IFRD2: variants seen among roughly 807,000 people sequenced by gnomAD.
IFRD2 encodes interferon-related developmental regulator 2.
Under a neutral mutation model 49.2 loss-of-function variants are expected in IFRD2, and 35 were observed. The observed-to-expected ratio is 0.71, with a 90% CI of 0.54 to 0.94. The LOEUF is 0.94. Among genes scored for constraint, IFRD2 ranks in the 40% least tolerant of loss-of-function variants. The pLI is 0.00. For missense variants in IFRD2, 561 were observed against 591.6 expected (o/e 0.95, Z 0.54); for synonymous variants, 275 against 239.7 (o/e 1.15, Z -1.36).
rs6777712 is a variant in IFRD2, at chr3:50,289,109, C to G, written c.885+146G>C. 7.0e-4 allele frequency: 803 copies of G among 1,154,162 alleles called. 4 individuals carry two copies. In the African/African-American group the frequency reaches 0.011, roughly 15 times the overall value. The allele number at this position is 1,154,162 out of a possible 1,614,324, so 71.5% of individuals were successfully genotyped here. ...GGACACCACTGCTGAGGGCACCCAT[C>G]ATGACATCTAGGAGATAAATCTGTT... On this transcript the variant is annotated intron_variant, in intron 8 of 11. Coordinates refer to ENST00000417626, the MANE Select transcript of IFRD2 (RefSeq NM_006764.5).
At chr3:50,288,382 A>G in intron 11 of IFRD2, 27 bp downstream of exon 11, 2 of 1,607,770 alleles carry the variant, frequency 1.2e-6, no homozygotes, top group Non-Finnish European at 1.7e-6. Flanking sequence ...GAATAGGGGG[A>G]AGAGAAAGGT....
At chr3:50,291,976 G>A (rs1039027677) in intron 1 of IFRD2, 46 of 513,190 alleles carry the variant, frequency 9.0e-5, no homozygotes, top group Non-Finnish European at 1.5e-4. Flanking sequence ...GCCCGGAGGG[G>A]CTGGCCGGGT....
In IFRD2 at chr3:50,290,410, C is replaced by G; in HGVS notation, c.241G>C (p.Val81Leu). 1 of 1,579,620 alleles carries G rather than the reference C, an allele frequency of 6.3e-7. No homozygotes were observed. Among genetic ancestry groups the G allele is most frequent in the Non-Finnish European group, 8.6e-7 (1 of 1,161,980 alleles). ...TACCTCTTGTCTGTGAGACAGTCCA[C>G]ATACTCCTTCAGCTTTTCCTCAAGG... The part of the protein sequence containing the change: ...EDLEEKLKEY[V>L]DCLTDKSAKT... The change falls in exon 3 of 12, where the codon GTG becomes CTG. Residue 81 changes from valine to leucine, a missense_variant. Val to Leu is a conservative substitution (Grantham distance 32). Coordinates refer to ENST00000417626, the MANE Select transcript of IFRD2 (RefSeq NM_006764.5).
At chr3:50,290,982 C>T (rs1416279449) in intron 1 of IFRD2, among the ~76,000 whole-genome samples, 2 of 149,524 alleles carry the variant, frequency 1.3e-5, no homozygotes, top group East Asian at 2.0e-4. Flanking sequence ...GTCCAGCCTG[C>T]GCACTGGCCT....
Position 50,288,688 on chromosome 3 carries a change from T to C in IFRD2, c.1047A>G (p.Ile349Met). 1 of 1,613,640 alleles carries C rather than the reference T, an allele frequency of 6.2e-7. No homozygotes were observed. The highest frequency in any genetic ancestry group is 8.5e-7 in the Non-Finnish European group (1 of 1,179,794). ...AGAGCACCTCAAAGCCGAAGCGCAC[T>C]ATCTCTTCTTCGCATTCACCGCCCT... Reference protein sequence around the residue: ...SVEGGECEEEIVRFGFEVLYM... With the variant: ...SVEGGECEEEMVRFGFEVLYM... Residue 349 changes from isoleucine to methionine, a missense_variant, in exon 10 of 12, where the codon ATA (isoleucine) becomes ATG (methionine). Physicochemically the swap from Ile to Met is conservative, Grantham distance 10 (BLOSUM62 1). Transcript: ENST00000417626.
Position 50,290,490 on chromosome 3 carries a change from C to A in IFRD2, c.179-18G>T. On this transcript the variant is annotated intron_variant, in intron 2 of 11. Coordinates refer to ENST00000417626, the MANE Select transcript of IFRD2 (RefSeq NM_006764.5). ...ATCCCCCCCTGCAAGGCCACCTGGT[C>A]AGCACCGCTTCTTGTCCTCAGCCCA... 6.3e-7 allele frequency: 1 copy of A among 1,585,962 alleles called. No homozygotes were observed.
intron 1 of IFRD2, among the ~76,000 whole-genome samples, chr3:50,291,301 C>T (rs1399551269): frequency 1.3e-5 from 2 of 152,074 alleles, no homozygotes; most frequent in African/African-American, 2.4e-5. Context: ...TGAGCCACCA[C>T]GCCCAGCCTG....
rs782492356 is a variant in IFRD2, at chr3:50,288,841, G to A, written c.982C>T (p.Arg328Cys). Residue 328 changes from arginine to cysteine, a missense_variant, in exon 9 of 12, where the codon CGC (arginine) becomes TGC (cysteine). By Grantham distance (180) the Arg-to-Cys change is radical. Transcript: ENST00000417626. ...NKYRAKADRR[R>C]QRSTFRAVLH... ...ACGGCGCGGAAAGTAGAGCGCTGGCGCCGACGATCAGCCTTGGCACGGTAC... is the reference window on the plus strand; with the variant it reads ...ACGGCGCGGAAAGTAGAGCGCTGGCACCGACGATCAGCCTTGGCACGGTAC... 8.7e-6 allele frequency: 14 copies of A among 1,613,334 alleles called. No individual in the cohort carries two copies. The highest frequency in any genetic ancestry group is 1.6e-4 in the Middle Eastern group (1 of 6,084).
rs782406511 is a variant in IFRD2 at position 50,290,259 on chromosome 3, C to T, written c.299G>A (p.Arg100His). 5 of 1,612,524 alleles carry T rather than the reference C, an allele frequency of 3.1e-6. No homozygotes were observed. The highest frequency in any genetic ancestry group is 3.4e-6 in the Non-Finnish European group (4 of 1,179,344). ...GAGTAGGCGGGACGCTAGGGCCAGG[C>T]GCAGGCTCTCAAGAGCACCCTGCCG... ...KTRQGALESL[R>H]LALASRLLPD... Residue 100 changes from arginine to histidine, a missense_variant, in exon 4 of 12, where the codon CGC becomes CAC. Physicochemically the swap from Arg to His is conservative, Grantham distance 29. Transcript: ENST00000417626.
In IFRD2 at chr3:50,292,396, C is replaced by A. The variant is rs782023803; in HGVS notation, c.-122G>T. 89 of 1,588,714 alleles carry A rather than the reference C, an allele frequency of 5.6e-5. 1 individual carries two copies. The highest frequency in any genetic ancestry group is 7.4e-5 in the Non-Finnish European group (87 of 1,173,896). Reference sequence around the variant, plus strand: ...GCCAGACGACGGGAGCCACACGCCACGCGCGCCACCATCTTCGCGAGGCGC... The same window carrying A: ...GCCAGACGACGGGAGCCACACGCCAAGCGCGCCACCATCTTCGCGAGGCGC... On this transcript the variant is annotated 5_prime_UTR_variant, in exon 1 of 12. Coordinates refer to ENST00000417626, the MANE Select transcript of IFRD2 (RefSeq NM_006764.5).
At position 50,290,383 on chromosome 3, in the gene IFRD2, G is replaced by A. The variant is rs2109276457; in HGVS notation, c.263+5C>T. 3.8e-6 allele frequency: 6 copies of A among 1,585,294 alleles called. No individual in the cohort carries two copies. The South Asian group carries it at 5.7e-5, about 15-fold the overall frequency. On this transcript the variant is annotated splice_donor_5th_base_variant and intron_variant, in intron 3 of 11. Coordinates refer to ENST00000417626, the MANE Select transcript of IFRD2 (RefSeq NM_006764.5). ...GTGTAGGAGTTGGCTGGCAGCCAGG[G>A]GTACCTCTTGTCTGTGAGACAGTCC...
intron 1 of IFRD2, among the ~76,000 whole-genome samples, chr3:50,291,298 C>T (rs908210368): frequency 6.6e-6 from 1 of 152,176 alleles, no homozygotes; most frequent in East Asian, 1.9e-4. Context: ...GTGTGAGCCA[C>T]CACGCCCAGC....
rs1553709114 is a variant in IFRD2, at chr3:50,288,881, G to A, written c.942C>T (p.Ala314=). The A allele has an allele frequency of 1.9e-6, 3 of 1,613,564 alleles. No homozygotes were observed. Among genetic ancestry groups the A allele is most frequent in the Admixed American group, 1.7e-5 (1 of 59,942 alleles). ...TGGCACGGTACTTGTTACTGTCAGT[G>A]GCCAGAGTGCGCAGGACACTGCAGA... ...EALCSVLRTL[A]TDSNKYRAKA... Residue 314 remains alanine (A), a synonymous_variant, in exon 9 of 12, where the codon GCC becomes GCT. Coordinates refer to ENST00000417626, the MANE Select transcript of IFRD2 (RefSeq NM_006764.5).
At position 50,288,167 on chromosome 3, in the gene IFRD2, G is replaced by A; in HGVS notation, c.*24C>T. On this transcript the variant is annotated 3_prime_UTR_variant, in exon 12 of 12. Coordinates refer to ENST00000417626, the MANE Select transcript of IFRD2 (RefSeq NM_006764.5). ...AAAATACGGACCAAGGGCATAGAAA[G>A]TCTCCTCTTCAGCAGGTCCTGCTTC... 4 of 1,593,278 alleles carry A rather than the reference G, an allele frequency of 2.5e-6. No homozygotes were observed. Among genetic ancestry groups the A allele is most frequent in the Non-Finnish European group, 3.4e-6 (4 of 1,162,174 alleles).
rs782023803 is a variant in IFRD2 at position 50,292,396 on chromosome 3, C to G, written c.-122G>C. 7 of 1,588,832 alleles carry G rather than the reference C, an allele frequency of 4.4e-6. No individual in the cohort carries two copies. Among genetic ancestry groups the G allele is most frequent in the Non-Finnish European group, 5.1e-6 (6 of 1,173,888 alleles). ...GCCAGACGACGGGAGCCACACGCCA[C>G]GCGCGCCACCATCTTCGCGAGGCGC... is the stretch of plus-strand genomic sequence containing the variant. On this transcript the variant is annotated 5_prime_UTR_variant, in exon 1 of 12. Transcript: ENST00000417626.
Position 50,292,310 on chromosome 3 carries a change from A to G in IFRD2, c.-36T>C. 6.4e-7 allele frequency: 1 copy of G among 1,565,338 alleles called. No homozygotes were observed. The highest frequency in any genetic ancestry group is 8.6e-7 in the Non-Finnish European group (1 of 1,157,494). On this transcript the variant is annotated 5_prime_UTR_variant, in exon 1 of 12. Transcript: ENST00000417626. Reference sequence around the variant, plus strand: ...GGGCGCGGGGGGCGCGGGGTCAGGGACCCGGTGGGTGTGGGCTCCAGGCCA... The same window carrying G: ...GGGCGCGGGGGGCGCGGGGTCAGGGGCCCGGTGGGTGTGGGCTCCAGGCCA...
In IFRD2 at chr3:50,288,402, T is replaced by C. The variant is rs782263446; in HGVS notation, c.1248+7A>G. The stretch of plus-strand genomic sequence containing the variant: ...GGGGGAAGAGAAAGGTGCCCAAGGG[T>C]GCAAACCTTCTCAAAGCGTGGAACC... On this transcript the variant is annotated splice_region_variant and intron_variant, in intron 11 of 11. Transcript: ENST00000417626. The C allele has an allele frequency of 4.3e-6, 7 of 1,610,984 alleles. No homozygotes were observed. The East Asian group carries it at 1.6e-4, about 36-fold the overall frequency.
intron 10 of IFRD2, 37 bp downstream of exon 10, chr3:50,288,546 A>G: frequency 6.2e-7 from 1 of 1,613,968 alleles, no homozygotes; most frequent in African/African-American, 1.3e-5. Context: ...GACTGAAGCA[A>G]CCACACCAGA....
At chr3:50,290,496 C>G in intron 2 of IFRD2, 24 bp from the exon 3 acceptor site, 1 of 1,589,884 alleles carries the variant, frequency 6.3e-7, no homozygotes, top group Non-Finnish European at 8.6e-7. Context: ...TGGTCAGCAC[C>G]GCTTCTTGTC....
Sources: allele counts gnomAD v4.1 joint callset (sites outside exome capture counted in the v4.1 genomes callset), GRCh38; gene constraint gnomAD v4.1.1; transcripts MANE v1.5; gene names NCBI Gene and HGNC (gene_info 2026-07-23, HGNC 2026-07-21).